Variants in GABRG3 observed in about 807,000 individuals in gnomAD.
The protein encoded by GABRG3 is gamma-aminobutyric acid receptor subunit gamma-3.
A neutral mutation model predicts 48.8 loss-of-function variants in GABRG3; 25 were observed. The observed-to-expected ratio is 0.51, with a 90% CI of 0.37 to 0.72. The LOEUF (loss-of-function observed/expected upper bound fraction) is 0.72. Ranked by LOEUF, GABRG3 falls within the 30% of genes least tolerant of loss-of-function variation. GABRG3 has a pLI of 0.00. For missense variants in GABRG3, 394 were observed against 577.9 expected, an observed-to-expected ratio of 0.68 and a Z score of 3.26; for synonymous variants, 227 against 217.6, an observed-to-expected ratio of 1.04 and a Z score of -0.38.
chr15:27,518,648 G>A (rs571268747), intron 6 of GABRG3, among the ~76,000 whole-genome samples: 4 of 152,230 alleles, frequency 2.6e-5, no homozygotes, highest in African/African-American at 9.6e-5. Flanking sequence ...AGAAGAGCAT[G>A]CTATGCAGAT....
chr15:27,333,678 C>T (rs946186754), intron 5 of GABRG3, among the ~76,000 whole-genome samples: 22 of 152,170 alleles, frequency 1.4e-4, no homozygotes, highest in African/African-American at 5.3e-4. Flanking sequence ...TTGCTGGTTA[C>T]TAGTTTGCCT....
intron 3 of GABRG3, among the ~76,000 whole-genome samples, chr15:27,156,168 G>T (rs1331400482): frequency 6.6e-6 from 1 of 151,376 alleles, no homozygotes; most frequent in Non-Finnish European, 1.5e-5. Flanking sequence ...GTGTGGTGGT[G>T]GGCGCCAGTA....
chr15:27,427,946 A>C (rs943341397), intron 5 of GABRG3: 2 of 152,146 alleles, frequency 1.3e-5, no homozygotes, highest in African/African-American at 4.8e-5. Context: ...GCAGTGGTGC[A>C]AACATCACTA....
chr15:27,092,369 G>C (rs570051621), intron 3 of GABRG3, among the ~76,000 whole-genome samples: 1 of 152,284 alleles, frequency 6.6e-6, no homozygotes, highest in East Asian at 1.9e-4. Context: ...TGTCTTTCAT[G>C]TTTTCTCTGT....
intron 3 of GABRG3, among the ~76,000 whole-genome samples, chr15:27,087,049 C>T (rs1202453198): frequency 1.3e-5 from 2 of 152,232 alleles, no homozygotes; most frequent in East Asian, 1.9e-4. Context: ...TGAGCCATCA[C>T]AGTAACAGGT....
At chr15:27,025,850 G>A (rs1895974628) in intron 2 of GABRG3, among the ~76,000 whole-genome samples, 1 of 152,170 alleles carries the variant, frequency 6.6e-6, no homozygotes, top group Admixed American at 6.5e-5. Flanking sequence ...TATTCCTCCT[G>A]GGCAGAAATT....
intron 3 of GABRG3, among the ~76,000 whole-genome samples, chr15:27,151,614 C>T (rs1010530511): frequency 9.2e-5 from 14 of 152,034 alleles, no homozygotes; most frequent in African/African-American, 3.1e-4. Flanking sequence ...GTTGACCCAA[C>T]GTATCACAAG....
At chr15:27,419,729 A>G (rs1851581886) in intron 5 of GABRG3, among the ~76,000 whole-genome samples, 1 of 152,186 alleles carries the variant, frequency 6.6e-6, no homozygotes, top group African/African-American at 2.4e-5. Context: ...GATGGTTAGC[A>G]GGTAGTCAGC....
rs573973609 is a variant in GABRG3, at chr15:27,296,282, A to G, written c.271-30527A>G. 6.6e-5 allele frequency among the ~76,000 whole-genome samples: 10 copies of G among 152,166 alleles called. No individual in the cohort carries two copies. The East Asian group carries it at 1.9e-3, about 29-fold the overall frequency. On this transcript the variant is annotated intron_variant, in intron 3 of 9. Coordinates refer to ENST00000615808, the MANE Select transcript of GABRG3 (RefSeq NM_033223.5). ...TACTTGCATATTTCTTTTTCTTTTAACTGACTGAAAAAGAAGTTGCATAAA... is the reference window on the plus strand; with the variant it reads ...TACTTGCATATTTCTTTTTCTTTTAGCTGACTGAAAAAGAAGTTGCATAAA...
intron 3 of GABRG3, among the ~76,000 whole-genome samples, chr15:27,162,103 G>GA (rs2140404607): frequency 6.6e-6 from 1 of 152,278 alleles, no homozygotes; most frequent in East Asian, 1.9e-4. Flanking sequence ...TACTAGTACT[G>GA]AAGTTGTCCC....
chr15:27,207,123 G>C (rs893997616), intron 3 of GABRG3, among the ~76,000 whole-genome samples: 5 of 152,238 alleles, frequency 3.3e-5, no homozygotes, highest in Non-Finnish European at 5.9e-5. Context: ...AGACTTGATT[G>C]TGTAGTTGCT....
chr15:27,256,396 G>C (rs887643464), intron 3 of GABRG3, among the ~76,000 whole-genome samples: 3 of 149,922 alleles, frequency 2.0e-5, no homozygotes, highest in East Asian at 2.0e-4. Context: ...AGCCGAGATG[G>C]CGCCACTGCA....
At chr15:27,237,776 C>T (rs1282998818) in intron 3 of GABRG3, among the ~76,000 whole-genome samples, 1 of 152,220 alleles carries the variant, frequency 6.6e-6, no homozygotes, top group Non-Finnish European at 1.5e-5. Context: ...CACCTCTTCC[C>T]ACCCAGCTTG....
At chr15:27,244,258 G>T (rs545476073) in intron 3 of GABRG3, among the ~76,000 whole-genome samples, 1 of 152,304 alleles carries the variant, frequency 6.6e-6, no homozygotes, top group Admixed American at 6.5e-5. Flanking sequence ...ATGTTAACAG[G>T]TCTATTAACC....
At chr15:27,253,828 C>A (rs563207861) in intron 3 of GABRG3, among the ~76,000 whole-genome samples, 2 of 152,338 alleles carry the variant, frequency 1.3e-5, no homozygotes, top group South Asian at 4.1e-4. Flanking sequence ...TTCCATTTTA[C>A]CATGAGCTGA....
At chr15:27,025,011 C>T (rs1344422953) in intron 2 of GABRG3, among the ~76,000 whole-genome samples, 1 of 105,178 alleles carries the variant, frequency 9.5e-6, no homozygotes, top group African/African-American at 3.8e-5. Context: ...GGAGACAAAG[C>T]AAGACCCTGT....
intron 3 of GABRG3, among the ~76,000 whole-genome samples, chr15:27,188,162 T>G: frequency 6.6e-6 from 1 of 152,050 alleles, no homozygotes; most frequent in Non-Finnish European, 1.5e-5. Flanking sequence ...AGTCTTTGCT[T>G]TTGTGAATAG....
At position 27,308,676 on chromosome 15, in the gene GABRG3, C is replaced by T. The variant is rs560045925; in HGVS notation, c.271-18133C>T. ...TGTATAAACATATAATGTAAACATA[C>T]GCTTATGTATAAACATATAATGTAA... On this transcript the variant is annotated intron_variant, in intron 3 of 9. Transcript: ENST00000615808. Among the ~76,000 whole-genome samples, 26 of 149,022 alleles carry T rather than the reference C, an allele frequency of 1.7e-4. No individual in the cohort carries two copies. In the South Asian group the frequency reaches 2.8e-3, roughly 16 times the overall value.
intron 5 of GABRG3, among the ~76,000 whole-genome samples, chr15:27,461,765 C>G (rs997368620): frequency 2.6e-5 from 4 of 152,102 alleles, no homozygotes; most frequent in Non-Finnish European, 4.4e-5. Context: ...AAAAATTCGC[C>G]AAGTCCCCGC....
Sources: gnomAD v4.1 joint callset for allele counts (sites outside exome capture counted in the v4.1 genomes callset) on GRCh38, gnomAD v4.1.1 for gene constraint, MANE v1.5 for transcripts, NCBI Gene and HGNC (gene_info 2026-07-23, HGNC 2026-07-21) for gene names.